Variants in VPS53 observed in about 807,000 individuals in gnomAD.
The protein encoded by VPS53 is vacuolar protein sorting-associated protein 53 homolog.
Under a neutral mutation model 107.0 loss-of-function variants are expected in VPS53, and 70 were observed. The observed-to-expected ratio is 0.65, with a 90% CI of 0.54 to 0.80. The LOEUF (loss-of-function observed/expected upper bound fraction) is 0.80, where lower values mean the gene tolerates loss of function less well. VPS53 is among the 30% of genes least tolerant of loss of function. VPS53 has a pLI of 0.00. For missense variants in VPS53, 917 were observed against 1,049.4 expected (o/e 0.87, Z 1.74); for synonymous variants, 409 against 393.3 (o/e 1.04, Z -0.47).
intron 11 of VPS53, among the ~76,000 whole-genome samples, chr17:612,929 T>C (rs1016963937): frequency 1.3e-5 from 2 of 149,678 alleles, no homozygotes; most frequent in African/African-American, 2.5e-5. Context: ...TGCACAGATA[T>C]TCACAGCAGT....
intron 19 of VPS53, among the ~76,000 whole-genome samples, chr17:525,773 G>A (rs1192042674): frequency 6.6e-6 from 1 of 151,824 alleles, no homozygotes; most frequent in Non-Finnish European, 1.5e-5. Flanking sequence ...TGAGGTGGGA[G>A]GATCACTTAA....
At chr17:589,877 T>C (rs978888192) in intron 12 of VPS53, among the ~76,000 whole-genome samples, 2 of 152,068 alleles carry the variant, frequency 1.3e-5, no homozygotes, top group Non-Finnish European at 2.9e-5. Flanking sequence ...TTTGGTTCCA[T>C]ATGAACTTTA....
chr17:515,080 C>A lies in VPS53; in HGVS notation c.*4048G>T, dbSNP rs926853489. On this transcript the variant is annotated 3_prime_UTR_variant, in exon 22 of 22. Coordinates refer to ENST00000437048, the MANE Select transcript of VPS53 (RefSeq NM_001128159.3). Reference sequence around the variant, plus strand: ...AACTCTTTATTGATTATACAAATTACCACTATTTATTTTAAACCCAAAGTG... The same window carrying A: ...AACTCTTTATTGATTATACAAATTAACACTATTTATTTTAAACCCAAAGTG... 1.3e-5 allele frequency: 2 copies of A among 152,124 alleles called. No homozygotes were observed. Among genetic ancestry groups the A allele is most frequent in the African/African-American group, 2.4e-5 (1 of 41,424 alleles). 9.4% of individuals were successfully genotyped at this position (152,124 alleles called of 1,614,324 possible).
intron 7 of VPS53, among the ~76,000 whole-genome samples, chr17:649,760 G>T (rs1186820880): frequency 6.6e-6 from 1 of 151,810 alleles, no homozygotes; most frequent in African/African-American, 2.4e-5. Flanking sequence ...ACTGAAGATT[G>T]TACACTGTAG....
At chr17:571,656 C>A (rs370703957) in intron 13 of VPS53, among the ~76,000 whole-genome samples, 18 of 152,358 alleles carry the variant, frequency 1.2e-4, no homozygotes, top group African/African-American at 2.6e-4. Flanking sequence ...GATTCTCCTG[C>A]CTCAGCCTGC....
Sources: allele counts gnomAD v4.1 joint callset (sites outside exome capture counted in the v4.1 genomes callset), GRCh38; gene constraint gnomAD v4.1.1; transcripts MANE v1.5; gene names NCBI Gene and HGNC (gene_info 2026-07-23, HGNC 2026-07-21).